Variants in KIF13A observed in about 807,000 individuals in gnomAD.
KIF13A encodes the protein kinesin family member 13A.
Under a neutral mutation model 212.2 loss-of-function variants are expected in KIF13A, and 79 were observed. The ratio of observed to expected loss-of-function variants is 0.37; its 90% CI spans 0.31 to 0.45. The LOEUF is 0.45. Ranked by LOEUF, KIF13A falls within the 20% of genes least tolerant of loss-of-function variation. The probability of loss-of-function intolerance (pLI) is 1.00; values close to 1 mark genes in which losing one functional copy is unlikely to be tolerated. For missense variants in KIF13A, 1,901 were observed against 2,209.0 expected (o/e 0.86, Z 2.79); for synonymous variants, 789 against 808.6 (o/e 0.98, Z 0.41).
chr6:17,881,328 A>G (rs1035841245), intron 3 of KIF13A, among the ~76,000 whole-genome samples: 4 of 152,266 alleles, frequency 2.6e-5, no homozygotes, highest in Admixed American at 6.5e-5. Context: ...TGAGAGATAT[A>G]TATAATCTGA....
At position 17,871,827 on chromosome 6, in the gene KIF13A, T is replaced by A. The variant is rs928662290; in HGVS notation, c.220+1550A>T. 6.6e-6 allele frequency among the ~76,000 whole-genome samples: 1 copy of A among 152,240 alleles called. No individual in the cohort carries two copies. The highest frequency in any genetic ancestry group is 1.5e-5 in the Non-Finnish European group (1 of 68,038). On this transcript the variant is annotated intron_variant, in intron 4 of 38. Coordinates refer to ENST00000259711, the MANE Select transcript of KIF13A (RefSeq NM_022113.6). The surrounding 1 kb of genome is among the most constrained non-coding windows in gnomAD (Gnocchi z 4.4). The stretch of plus-strand genomic sequence containing the variant: ...ATATATGGCTGCATCTTGAGTAACA[T>A]AAATTGAACACGGTTAATGACGGGT...
chr6:17,928,603 G>A (rs1173224491), intron 2 of KIF13A, among the ~76,000 whole-genome samples: 1 of 152,144 alleles, frequency 6.6e-6, no homozygotes, highest in African/African-American at 2.4e-5. Flanking sequence ...AGACTACAAA[G>A]CAGTCAAATG....
intron 9 of KIF13A, among the ~76,000 whole-genome samples, chr6:17,841,258 C>A (rs138802255): frequency 6.6e-6 from 1 of 151,936 alleles, no homozygotes; most frequent in African/African-American, 2.4e-5. Context: ...AGAGAAGGGG[C>A]CTCACTTTGT....
In KIF13A at chr6:17,764,220, C is replaced by T. The variant is rs73721713; in HGVS notation, c.5308G>A (p.Gly1770Ser). 1,520 of 1,613,956 alleles carry T rather than the reference C, an allele frequency of 9.4e-4. 14 individuals carry two copies. The African/African-American group carries it at 0.017, about 18-fold the overall frequency. The change falls in exon 39 of 39, where the codon GGC (glycine) becomes AGC (serine). Residue 1770 changes from glycine to serine, a missense_variant. Physicochemically the swap from Gly to Ser is moderately conservative, Grantham distance 56 (BLOSUM62 0). Around this residue, in one of 5 missense-constraint regions of KIF13A, gnomAD observed 687 missense variants for 759.1 expected, o/e 0.90. Transcript: ENST00000259711. The surrounding 1 kb of genome is among the most constrained non-coding windows in gnomAD (Gnocchi z 5.1). ...TGGAGCCCATCGGAGACAGTCTTGCCGCCTGTTTTATTTGGTAGACTCCTC... is the reference window on the plus strand; with the variant it reads ...TGGAGCCCATCGGAGACAGTCTTGCTGCCTGTTTTATTTGGTAGACTCCTC... ...SRRSLPNKTG[G>S]KTVSDGLHHP...
rs1396614150 is a variant in KIF13A, at chr6:17,772,386, G to A, written c.4325-327C>T. 6.6e-6 allele frequency among the ~76,000 whole-genome samples: 1 copy of A among 152,052 alleles called. No individual in the cohort carries two copies. On this transcript the variant is annotated intron_variant, in intron 36 of 38. Coordinates refer to ENST00000259711, the MANE Select transcript of KIF13A (RefSeq NM_022113.6). The surrounding 1 kb of genome is among the most constrained non-coding windows in gnomAD (Gnocchi z 4.8). ...ATGGTGCCACTGCACTCCAGCCCGG[G>A]CAAGAGAGAGAGAGGGAGACCCTGT... is the stretch of plus-strand genomic sequence containing the variant.
Position 17,855,733 on chromosome 6 carries a change from A to G in KIF13A, c.314-116T>C, listed in dbSNP as rs1483014007. ...TGGTAACATAGCAGAAGAGTGGCCA[A>G]CTTAGCCTCAAACCCTGTTGCTCAG... On this transcript the variant is annotated intron_variant, in intron 5 of 38. Coordinates refer to ENST00000259711, the MANE Select transcript of KIF13A (RefSeq NM_022113.6). The surrounding 1 kb of genome is among the most constrained non-coding windows in gnomAD (Gnocchi z 4.1). 7.5e-6 allele frequency: 6 copies of G among 804,282 alleles called. No individual in the cohort carries two copies. The highest frequency in any genetic ancestry group is 5.4e-5 in the East Asian group (2 of 37,362). The allele number at this position is 804,282 out of a possible 1,614,324, so 49.8% of individuals were successfully genotyped here. A position where few individuals can be genotyped will look rare whatever the true frequency, so the allele number is the denominator to read the frequency against.
At chr6:17,903,675 C>T (rs1007956514) in intron 2 of KIF13A, among the ~76,000 whole-genome samples, 1 of 152,104 alleles carries the variant, frequency 6.6e-6, no homozygotes, top group Non-Finnish European at 1.5e-5. Flanking sequence ...GAGAGAGGAT[C>T]TGGAAAGGGT....
In KIF13A at chr6:17,964,925, C is replaced by T. The variant is rs1057262451; in HGVS notation, c.146+22129G>A. On this transcript the variant is annotated intron_variant, in intron 2 of 38. Transcript: ENST00000259711. ...GCAACCTCTGACTCCCTGGTTCAAG[C>T]GATTCTCCCGCCTCAGCCTCCCGAG... is the stretch of plus-strand genomic sequence containing the variant. Among the ~76,000 whole-genome samples, 7 of 152,098 alleles carry T rather than the reference C, an allele frequency of 4.6e-5. No individual in the cohort carries two copies. In the East Asian group the frequency reaches 9.7e-4, roughly 21 times the overall value.
chr6:17,873,540 C>T lies in KIF13A; in HGVS notation c.160-103G>A, dbSNP rs963121271. 4 of 754,020 alleles carry T rather than the reference C, an allele frequency of 5.3e-6. No homozygotes were observed. The Admixed American group carries it at 8.0e-5, about 15-fold the overall frequency. The allele number at this position is 754,020 out of a possible 1,614,324, so 46.7% of individuals were successfully genotyped here. ...GTGAAGATGAGAAGGATGGCCACTA[C>T]TGTCTGACTGAAAAAAATCACTATA... On this transcript the variant is annotated intron_variant, in intron 3 of 38. Coordinates refer to ENST00000259711, the MANE Select transcript of KIF13A (RefSeq NM_022113.6).
In KIF13A at chr6:17,867,487, G is replaced by A. The variant is rs150091823; in HGVS notation, c.220+5890C>T. 2.2e-4 allele frequency among the ~76,000 whole-genome samples: 33 copies of A among 152,264 alleles called. No individual in the cohort carries two copies. In the East Asian group the frequency reaches 4.6e-3, roughly 21 times the overall value. The stretch of plus-strand genomic sequence containing the variant: ...TTAAACCCAATAGCTAACAATTATT[G>A]AGTGTTTCCTCTGTGCAAGGCACTT... On this transcript the variant is annotated intron_variant, in intron 4 of 38. Coordinates refer to ENST00000259711, the MANE Select transcript of KIF13A (RefSeq NM_022113.6).
At chr6:17,860,727 A>C (rs2150413499) in intron 4 of KIF13A, among the ~76,000 whole-genome samples, 1 of 141,666 alleles carries the variant, frequency 7.1e-6, no homozygotes, top group South Asian at 2.4e-4. Context: ...CTCTGTCTCA[A>C]AAAAAAAAAA....
chr6:17,771,762 G>A lies in KIF13A; in HGVS notation c.4476+146C>T. On this transcript the variant is annotated intron_variant, in intron 37 of 38. Coordinates refer to ENST00000259711, the MANE Select transcript of KIF13A (RefSeq NM_022113.6). This position sits in a 1 kb window ranked among gnomAD's most constrained non-coding sequence, Gnocchi z 5.4. ...GATTCTACCATGACTCTGCATGCTT[G>A]AGAAAGAGGAATTCGAGAACGGGAA... The A allele has an allele frequency of 1.5e-6, 1 of 688,794 alleles. No homozygotes were observed. Among genetic ancestry groups the A allele is most frequent in the Non-Finnish European group, 2.5e-6 (1 of 401,670 alleles). 42.7% of individuals were successfully genotyped at this position (688,794 alleles called of 1,614,324 possible).
At chr6:17,808,957 G>T (rs1191814515) in intron 17 of KIF13A, 27 bp from the exon 18 acceptor site, 2 of 1,542,736 alleles carry the variant, frequency 1.3e-6, no homozygotes, top group Admixed American at 4.3e-5. Context: ...AAGGGAACGA[G>T]AAAATCTAAA....
intron 2 of KIF13A, among the ~76,000 whole-genome samples, chr6:17,980,170 A>G (rs1581941459): frequency 1.3e-5 from 2 of 152,368 alleles, no homozygotes; most frequent in Non-Finnish European, 2.9e-5. Context: ...CCAAAGGATT[A>G]GAAACCCAAA....
At position 17,855,575 on chromosome 6, in the gene KIF13A, A is replaced by G. The variant is rs1217732551; in HGVS notation, c.356T>C (p.Leu119Pro). ...ACAGCAGAGCCTTGGAATAAGGCCC[A>G]GCTGCTCAGCATGGCCCATCATGGA... The part of the protein sequence containing the change: ...SFSMMGHAEQ[L>P]GLIPRLCCAL... Residue 119 changes from leucine to proline, a missense_variant, in exon 6 of 39, where the codon CTG (leucine) becomes CCG (proline). By Grantham distance (98) the Leu-to-Pro change is moderately conservative (BLOSUM62 -3). This residue lies in a region of KIF13A where 506 missense variants were observed against 637.4 expected (regional missense o/e 0.79). Coordinates refer to ENST00000259711, the MANE Select transcript of KIF13A (RefSeq NM_022113.6). The surrounding 1 kb of genome is among the most constrained non-coding windows in gnomAD (Gnocchi z 4.1). 6.2e-7 allele frequency: 1 copy of G among 1,611,472 alleles called. No individual in the cohort carries two copies. Among genetic ancestry groups the G allele is most frequent in the African/African-American group, 1.3e-5 (1 of 74,760 alleles).
At position 17,899,095 on chromosome 6, in the gene KIF13A, T is replaced by G. The variant is rs531792198; in HGVS notation, c.147-915A>C. On this transcript the variant is annotated intron_variant, in intron 2 of 38. Transcript: ENST00000259711. The surrounding 1 kb of genome is among the most constrained non-coding windows in gnomAD (Gnocchi z 5.2). ...CCCCCACCTCAGCCTCCCAAAGTGC[T>G]GGGATTACAGGTGTGAACCACTGCA... Among the ~76,000 whole-genome samples, 11 of 152,212 alleles carry G rather than the reference T, an allele frequency of 7.2e-5. No homozygotes were observed. Among genetic ancestry groups the G allele is most frequent in the Non-Finnish European group, 1.5e-4 (10 of 68,030 alleles).
intron 31 of KIF13A, 128 bp downstream of exon 31, chr6:17,780,602 G>C (rs1760474650): frequency 1.2e-6 from 1 of 811,782 alleles, no homozygotes; most frequent in African/African-American, 1.7e-5. Context: ...ATGAGAATCA[G>C]ACTATAACTT....
In KIF13A at chr6:17,872,845, A is replaced by G. The variant is rs969620129; in HGVS notation, c.220+532T>C. Among the ~76,000 whole-genome samples the G allele has an allele frequency of 6.6e-6, 1 of 152,122 alleles. No individual in the cohort carries two copies. Among genetic ancestry groups the G allele is most frequent in the Non-Finnish European group, 1.5e-5 (1 of 68,024 alleles). On this transcript the variant is annotated intron_variant, in intron 4 of 38. Coordinates refer to ENST00000259711, the MANE Select transcript of KIF13A (RefSeq NM_022113.6). This position sits in a 1 kb window ranked among gnomAD's most constrained non-coding sequence, Gnocchi z 4.7. Reference sequence around the variant, plus strand: ...GAGACGGGGTTTTGCTATGTTATTCAAGCTGGTCTTGAACTCCTGACCTCA... The same window carrying G: ...GAGACGGGGTTTTGCTATGTTATTCGAGCTGGTCTTGAACTCCTGACCTCA...
intron 2 of KIF13A, among the ~76,000 whole-genome samples, chr6:17,952,928 CA>C (rs34028292): frequency 0.79 from 111,256 of 141,234 alleles, 43,465 homozygotes; most frequent in African/African-American, 0.85. Flanking sequence ...AGACTGTCTC[CA>C]AAAAAAAAAA....
Sources: gnomAD v4.1 joint callset for allele counts (sites outside exome capture counted in the v4.1 genomes callset) on GRCh38, gnomAD v4.1.1 for gene constraint, gnomAD v4.1.1 regional missense constraint, Gnocchi (gnomAD v3.1) non-coding constraint, MANE v1.5 for transcripts, NCBI Gene and HGNC (gene_info 2026-07-23, HGNC 2026-07-21) for gene names.